MROH9: variants seen among roughly 807,000 people sequenced by gnomAD.
MROH9 encodes the protein maestro heat like repeat family member 9, also known as maestro heat-like repeat-containing protein family member 9.
In MROH9, 92 loss-of-function variants were observed where a neutral mutation model predicts 98.2. The observed-to-expected ratio is 0.94, with a 90% CI of 0.79 to 1.11. MROH9 has a LOEUF of 1.11. MROH9 is among the 50% of genes most tolerant of loss of function. MROH9 has a pLI of 0.00. For missense variants in MROH9, 1,057 were observed against 1,014.8 expected, an observed-to-expected ratio of 1.04 and a Z score of -0.57; for synonymous variants, 397 against 368.9, an observed-to-expected ratio of 1.08 and a Z score of -0.87.
chr1:171,027,481 T>A (rs1448403695), intron 20 of MROH9, among the ~76,000 whole-genome samples: 1 of 152,180 alleles, frequency 6.6e-6, no homozygotes, highest in African/African-American at 2.4e-5. Context: ...TGGTTCCATG[T>A]CTTTGCCATT....
intron 17 of MROH9, among the ~76,000 whole-genome samples, chr1:171,023,374 T>C (rs969476329): frequency 2.6e-5 from 4 of 152,318 alleles, no homozygotes; most frequent in South Asian, 2.1e-4. Flanking sequence ...GCTTGCATTG[T>C]TATTTAGTGG....
intron 1 of MROH9, among the ~76,000 whole-genome samples, chr1:170,940,487 G>A (rs1407368031): frequency 6.6e-6 from 1 of 152,214 alleles, no homozygotes; most frequent in Non-Finnish European, 1.5e-5. Flanking sequence ...AACAGTGAAG[G>A]TGTATTGCTG....
chr1:171,002,740 T>C (rs952110124), intron 15 of MROH9, among the ~76,000 whole-genome samples: 15 of 152,174 alleles, frequency 9.9e-5, no homozygotes, highest in African/African-American at 3.4e-4. Context: ...TAGGTGAAGA[T>C]CTTTTTGCAA....
intron 20 of MROH9, among the ~76,000 whole-genome samples, chr1:171,058,346 C>CAAAAAAAAAAAAAAAAAAAAAAA (rs34725160): frequency 1.5e-5 from 1 of 67,148 alleles, no homozygotes; most frequent in Non-Finnish European, 3.6e-5. Context: ...AGAGAGGATG[C>CAAAAAAAAAAAAAAAAAAAAAAA]AAAAAAAAAA....
chr1:170,959,549 C>G lies in MROH9; in HGVS notation c.240C>G (p.Asp80Glu). ...TGCTAGTTGTCATGCCAAGTCTTGA[C>G]AAAGTAAAAGAAATGGGGAGCAGTT... ...FGMLVVMPSL[D>E]KVKEMGSSYE... Residue 80 changes from aspartate to glutamate, a missense_variant, in exon 5 of 22, where the codon GAC (aspartate) becomes GAG (glutamate). Coordinates refer to ENST00000367759, the MANE Select transcript of MROH9 (RefSeq NM_001163629.2). 3 of 1,613,548 alleles carry G rather than the reference C, an allele frequency of 1.9e-6. No homozygotes were observed. In the South Asian group the frequency reaches 3.3e-5, roughly 18 times the overall value.
At chr1:170,978,077 G>A (rs1385704174) in intron 8 of MROH9, among the ~76,000 whole-genome samples, 2 of 152,164 alleles carry the variant, frequency 1.3e-5, no homozygotes, top group Non-Finnish European at 2.9e-5. Context: ...GGCAGTGGCA[G>A]AGGAGTTTTC....
At chr1:171,049,497 C>T (rs952313474) in intron 20 of MROH9, among the ~76,000 whole-genome samples, 4 of 151,990 alleles carry the variant, frequency 2.6e-5, no homozygotes, top group African/African-American at 4.8e-5. Flanking sequence ...ACAGAGGGAA[C>T]ATTTAAACCA....
chr1:170,954,273 A>G (rs1306695369), intron 3 of MROH9, among the ~76,000 whole-genome samples: 1 of 152,056 alleles, frequency 6.6e-6, no homozygotes, highest in Non-Finnish European at 1.5e-5. Context: ...TTTCTCCATT[A>G]TTTCTTTATG....
rs74123672 is a variant in MROH9 at position 171,064,406 on chromosome 1, C to A, written c.*66C>A. On this transcript the variant is annotated 3_prime_UTR_variant, in exon 22 of 22. Coordinates refer to ENST00000367759, the MANE Select transcript of MROH9 (RefSeq NM_001163629.2). ...AAGTCCAACAATGTCTTGGAGCTGA[C>A]CTTAGAAGAAGAATGATTTTTCTTT... 5.1e-3 allele frequency: 7,224 copies of A among 1,412,560 alleles called. 308 individuals carry two copies. In the African/African-American group the frequency reaches 0.092, roughly 18 times the overall value. 87.5% of individuals were successfully genotyped at this position (1,412,560 alleles called of 1,614,324 possible).
At chr1:170,990,202 A>G (rs1651302983) in intron 11 of MROH9, among the ~76,000 whole-genome samples, 199 bp downstream of exon 11, 1 of 152,180 alleles carries the variant, frequency 6.6e-6, no homozygotes, top group Non-Finnish European at 1.5e-5. Flanking sequence ...TCTTTGTATA[A>G]TACCTAAAAC....
rs775013799 is a variant in MROH9, at chr1:170,958,446, T to A, written c.73-15T>A. On this transcript the variant is annotated splice_polypyrimidine_tract_variant and intron_variant, in intron 3 of 21. Coordinates refer to ENST00000367759, the MANE Select transcript of MROH9 (RefSeq NM_001163629.2). ...TAATTCTTCTTTTTTTTTTTTTTTT[T>A]AACATGGTACTTAGGCACATAAAGT... is the stretch of plus-strand genomic sequence containing the variant. 3.5e-6 allele frequency: 5 copies of A among 1,432,118 alleles called. No individual in the cohort carries two copies. The highest frequency in any genetic ancestry group is 2.3e-5 in the East Asian group (1 of 43,400). 88.7% of individuals were successfully genotyped at this position (1,432,118 alleles called of 1,614,324 possible).
chr1:170,993,469 A>C (rs1651439835), intron 12 of MROH9, among the ~76,000 whole-genome samples: 1 of 152,182 alleles, frequency 6.6e-6, no homozygotes, highest in African/African-American at 2.4e-5. Context: ...AGGAGAAGAC[A>C]CTTATGCAAT....
At chr1:170,988,404 G>A (rs1402314154) in intron 10 of MROH9, among the ~76,000 whole-genome samples, 4 of 152,192 alleles carry the variant, frequency 2.6e-5, no homozygotes, top group African/African-American at 9.7e-5. Flanking sequence ...AAGGTGAAGG[G>A]CAAGAGTCAT....
At chr1:171,058,957 C>A (rs1653934562) in intron 20 of MROH9, among the ~76,000 whole-genome samples, 1 of 152,084 alleles carries the variant, frequency 6.6e-6, no homozygotes, top group Non-Finnish European at 1.5e-5. Context: ...GACAAAAATG[C>A]CAAAAGCAAT....
intron 20 of MROH9, among the ~76,000 whole-genome samples, chr1:171,038,941 A>C (rs1653200244): frequency 6.6e-6 from 1 of 152,162 alleles, no homozygotes; most frequent in Admixed American, 6.6e-5. Context: ...AAGAAAAAAA[A>C]AAGGAAGATG....
At position 171,025,303 on chromosome 1, in the gene MROH9, C is replaced by G; in HGVS notation, c.2179-15C>G. 4 of 1,488,364 alleles carry G rather than the reference C, an allele frequency of 2.7e-6. No individual in the cohort carries two copies. The highest frequency in any genetic ancestry group is 3.7e-6 in the Non-Finnish European group (4 of 1,091,238). The allele number at this position is 1,488,364 out of a possible 1,614,324, so 92.2% of individuals were successfully genotyped here. On this transcript the variant is annotated splice_polypyrimidine_tract_variant and intron_variant, in intron 19 of 21. Transcript: ENST00000367759. ...AGCAATCGAGTGAGGTGCTTTTTTC[C>G]CTTTTTATTCTCAGATTATTTCTCA...
chr1:171,017,255 T>G (rs964417608), intron 17 of MROH9, among the ~76,000 whole-genome samples: 2 of 152,212 alleles, frequency 1.3e-5, no homozygotes, highest in African/African-American at 4.8e-5. Context: ...ATCCAGGTTC[T>G]GTCATCAGAA....
At chr1:171,062,049 G>C in intron 20 of MROH9, 83 bp from the exon 21 acceptor site, 1 of 856,962 alleles carries the variant, frequency 1.2e-6, no homozygotes, top group Non-Finnish European at 1.9e-6. Context: ...TTTGAAAAAA[G>C]CAAAGAAGGT....
At chr1:171,040,761 T>C (rs1653270117) in intron 20 of MROH9, among the ~76,000 whole-genome samples, 1 of 152,084 alleles carries the variant, frequency 6.6e-6, no homozygotes, top group African/African-American at 2.4e-5. Context: ...GTGTCTAGCA[T>C]ATGGCAGTTG....
Sources: gnomAD v4.1 joint callset for allele counts (sites outside exome capture counted in the v4.1 genomes callset) on GRCh38, gnomAD v4.1.1 for gene constraint, MANE v1.5 for transcripts, NCBI Gene and HGNC (gene_info 2026-07-23, HGNC 2026-07-21) for gene names.